Variants in TRIM5 observed in about 807,000 individuals in gnomAD.
The protein encoded by TRIM5 is tripartite motif-containing protein 5.
A neutral mutation model predicts 35.6 loss-of-function variants in TRIM5; 31 were observed. The ratio of observed to expected loss-of-function variants is 0.87; its 90% CI spans 0.65 to 1.18. TRIM5 has a LOEUF of 1.18. TRIM5 is among the 50% of genes most tolerant of loss of function. TRIM5 has a pLI of 0.00. For synonymous variants in TRIM5, 243 were observed against 215.6 expected (o/e 1.13, Z -1.11); for missense variants, 609 against 591.6 (o/e 1.03, Z -0.31).
At chr11:5,602,069 C>CA in the TRIM5 span, among the ~76,000 whole-genome samples, 2 of 152,084 alleles carry the variant, frequency 1.3e-5, no homozygotes, top group African/African-American at 4.8e-5. Flanking sequence ...CAACCATGAA[C>CA]AAAAAGTCTC....
the TRIM5 span, chr11:5,603,150 G>C: frequency 4.6e-6 from 7 of 1,515,088 alleles, no homozygotes; most frequent in Non-Finnish European, 1.8e-6. Flanking sequence ...GTTACCCCAG[G>C]TGTCTGACCT....
chr11:5,644,745 C>T, the TRIM5 span, among the ~76,000 whole-genome samples: 41 of 152,232 alleles, frequency 2.7e-4, no homozygotes, highest in African/African-American at 9.9e-4. Context: ...TCCCAGTAGA[C>T]AATACAATAT....
intron 4 of TRIM5, among the ~76,000 whole-genome samples, chr11:5,677,690 A>G (rs2134103606): frequency 6.6e-6 from 1 of 152,282 alleles, no homozygotes; most frequent in Admixed American, 6.5e-5. Context: ...GGGCCTCCCA[A>G]AGTGCTGGGA....
At chr11:5,608,012 C>T in the TRIM5 span, among the ~76,000 whole-genome samples, 1 of 152,160 alleles carries the variant, frequency 6.6e-6, no homozygotes, top group Non-Finnish European at 1.5e-5. Context: ...TCTTCAGCAA[C>T]CAGAACAGGA....
the TRIM5 span, chr11:5,612,023 C>G: frequency 6.6e-6 from 1 of 152,102 alleles, no homozygotes; most frequent in Non-Finnish European, 1.5e-5. Context: ...AATTGTGTAT[C>G]ATTTTTGTTC....
intron 1 of TRIM5, among the ~76,000 whole-genome samples, chr11:5,683,681 T>C (rs2152063): frequency 6.6e-6 from 1 of 152,150 alleles, no homozygotes; most frequent in Non-Finnish European, 1.5e-5. Flanking sequence ...AATCTTTGTG[T>C]CTACACTCTG....
the TRIM5 span, among the ~76,000 whole-genome samples, chr11:5,594,987 C>A: frequency 6.6e-6 from 1 of 152,268 alleles, no homozygotes; most frequent in South Asian, 2.1e-4. Context: ...CTGAAATAAC[C>A]TTTGCGTGGC....
chr11:5,642,882 T>C, the TRIM5 span: 2 of 1,612,788 alleles, frequency 1.2e-6, no homozygotes, highest in South Asian at 2.2e-5. Context: ...GTTTTCCAAT[T>C]ACCTTTCAGA....
At chr11:5,674,405 A>G (rs1211074928) in intron 4 of TRIM5, among the ~76,000 whole-genome samples, 1 of 152,252 alleles carries the variant, frequency 6.6e-6, no homozygotes, top group Non-Finnish European at 1.5e-5. Context: ...GGAAGAATGT[A>G]GGAAGGACAG....
chr11:5,647,541 G>T, the TRIM5 span, among the ~76,000 whole-genome samples: 6 of 151,924 alleles, frequency 3.9e-5, no homozygotes, highest in Non-Finnish European at 7.4e-5. Context: ...TCATTTTTTT[G>T]AGACAAAGTC....
the TRIM5 span, chr11:5,641,322 T>C: frequency 6.5e-7 from 1 of 1,546,656 alleles, no homozygotes; most frequent in Non-Finnish European, 8.8e-7. Flanking sequence ...TTATCTTAAA[T>C]TGCTGGTCCC....
chr11:5,605,205 C>A, the TRIM5 span: 2 of 1,199,740 alleles, frequency 1.7e-6, no homozygotes, highest in Non-Finnish European at 1.2e-6. Flanking sequence ...CTTTCTCCTG[C>A]AGCATTTACC....
At chr11:5,611,081 G>T in the TRIM5 span, 155 of 1,613,982 alleles carry the variant, frequency 9.6e-5, no homozygotes, top group Middle Eastern at 1.3e-3. Context: ...GTGGATACTG[G>T]GTGATTGGGT....
At chr11:5,640,329 G>T in the TRIM5 span, among the ~76,000 whole-genome samples, 7 of 151,218 alleles carry the variant, frequency 4.6e-5, no homozygotes, top group South Asian at 8.3e-4. Context: ...GTTTTGTTTT[G>T]TTTTTTTTAT....
chr11:5,615,597 G>GTTGTTTGT, the TRIM5 span, among the ~76,000 whole-genome samples: 1 of 133,384 alleles, frequency 7.5e-6, no homozygotes, highest in East Asian at 2.0e-4. Flanking sequence ...TGTTGTTGTT[G>GTTGTTTGT]TTGTTTGTTT....
chr11:5,683,743 T>C (rs1590294657), intron 1 of TRIM5, among the ~76,000 whole-genome samples: 2 of 152,066 alleles, frequency 1.3e-5, no homozygotes, highest in Admixed American at 6.5e-5. Context: ...AGCTCAGGGA[T>C]TGTAAATGCA....
the TRIM5 span, among the ~76,000 whole-genome samples, chr11:5,613,239 T>A: frequency 2.6e-5 from 4 of 152,346 alleles, no homozygotes; most frequent in South Asian, 8.3e-4. Flanking sequence ...TGTAGAAATT[T>A]GGAAGATCAT....
the TRIM5 span, chr11:5,632,356 G>T: frequency 1.2e-6 from 2 of 1,614,056 alleles, no homozygotes; most frequent in Non-Finnish European, 1.7e-6. Flanking sequence ...CTTGCTTAAC[G>T]TACAAGAGGA....
chr11:5,655,054 G>A, the TRIM5 span, among the ~76,000 whole-genome samples: 20 of 151,948 alleles, frequency 1.3e-4, no homozygotes, highest in East Asian at 3.9e-4. Context: ...TTATCTGGGC[G>A]TGGTGGCGGG....
Sources: allele counts gnomAD v4.1 joint callset (sites outside exome capture counted in the v4.1 genomes callset), GRCh38; gene constraint gnomAD v4.1.1; transcripts MANE v1.5; gene names NCBI Gene and HGNC (gene_info 2026-07-23, HGNC 2026-07-21).